TEX26: variants seen among roughly 807,000 people sequenced by gnomAD.
TEX26 encodes testis expressed 26, also known as testis-expressed protein 26.
Under a neutral mutation model 35.3 loss-of-function variants are expected in TEX26, and 34 were observed. The ratio of observed to expected loss-of-function variants is 0.96; its 90% confidence interval spans 0.73 to 1.28. TEX26 has a LOEUF of 1.28. Ranked by LOEUF, TEX26 falls within the 50% of genes most tolerant of loss-of-function variation. TEX26 has a pLI of 0.00. For missense variants in TEX26, 371 were observed against 330.1 expected, an observed-to-expected ratio of 1.12 and a Z score of -0.96; for synonymous variants, 136 against 111.8, an observed-to-expected ratio of 1.22 and a Z score of -1.36.
chr13:30,938,254 G>A (rs777499834), intron 1 of TEX26, among the ~76,000 whole-genome samples: 9 of 152,264 alleles, frequency 5.9e-5, no homozygotes, highest in Admixed American at 6.5e-5. Flanking sequence ...GTGGTACTTC[G>A]TTGACAATGG....
intron 2 of TEX26, among the ~76,000 whole-genome samples, chr13:30,947,475 T>C (rs1486059206): frequency 6.6e-6 from 1 of 152,178 alleles, no homozygotes; most frequent in Non-Finnish European, 1.5e-5. Context: ...AATCACAATG[T>C]GATTTTTAAT....
At chr13:30,955,430 C>G (rs1270130028) in intron 3 of TEX26, among the ~76,000 whole-genome samples, 1 of 152,136 alleles carries the variant, frequency 6.6e-6, no homozygotes, top group African/African-American at 2.4e-5. Context: ...ATGGCTTCTT[C>G]AATAGATAAA....
rs531397805 is a variant in TEX26 at position 30,962,567 on chromosome 13, G to A, written c.470-3655G>A. On this transcript the variant is annotated intron_variant, in intron 4 of 6. Transcript: ENST00000380473. Reference sequence around the variant, plus strand: ...CCTTCCCATGTGTTTTAACAGCCCTGGTTCTTACTTCTTTTGTAGGACTTA... The same window carrying A: ...CCTTCCCATGTGTTTTAACAGCCCTAGTTCTTACTTCTTTTGTAGGACTTA... 1.6e-3 allele frequency among the ~76,000 whole-genome samples: 250 copies of A among 152,250 alleles called. 3 individuals are homozygous for A. Among genetic ancestry groups the A allele is most frequent in the African/African-American group, 5.8e-3 (241 of 41,548 alleles).
Position 30,940,483 on chromosome 13 carries a change from G to A in TEX26, c.146+705G>A, listed in dbSNP as rs374460032. 2.1e-3 allele frequency among the ~76,000 whole-genome samples: 317 copies of A among 151,418 alleles called. 3 individuals carry two copies. The highest frequency in any genetic ancestry group is 7.3e-3 in the African/African-American group (302 of 41,244). On this transcript the variant is annotated intron_variant, in intron 2 of 6. Transcript: ENST00000380473. Reference sequence around the variant, plus strand: ...CGAGTAGCTGGGACTACAGGCGCCCGCCACCACACCTGGCTAATTTTTTGT... The same window carrying A: ...CGAGTAGCTGGGACTACAGGCGCCCACCACCACACCTGGCTAATTTTTTGT...
At chr13:30,957,154 C>G in intron 4 of TEX26, 125 bp downstream of exon 4, 1 of 963,672 alleles carries the variant, frequency 1.0e-6, no homozygotes, top group Non-Finnish European at 1.5e-6. Flanking sequence ...AGACAGGCGA[C>G]TTTGCAAATA....
intron 2 of TEX26, among the ~76,000 whole-genome samples, chr13:30,944,188 G>T (rs1159367109): frequency 6.6e-6 from 1 of 151,876 alleles, no homozygotes; most frequent in Non-Finnish European, 1.5e-5. Flanking sequence ...AATCTAGGAG[G>T]CTTGTGTGTT....
At chr13:30,959,692 C>T (rs1954265441) in intron 4 of TEX26, among the ~76,000 whole-genome samples, 1 of 152,058 alleles carries the variant, frequency 6.6e-6, no homozygotes, top group Non-Finnish European at 1.5e-5. Flanking sequence ...TTGTTGTACA[C>T]TTACCAAAAT....
At position 30,947,919 on chromosome 13, in the gene TEX26, G is replaced by A. The variant is rs149595991; in HGVS notation, c.147-4741G>A. On this transcript the variant is annotated intron_variant, in intron 2 of 6. Transcript: ENST00000380473. ...CCCACCCCACAACTGTCCCTGGTGT[G>A]TGATGTTCCTCTTCCTGTGTCCATG... is the stretch of plus-strand genomic sequence containing the variant. 7.0e-3 allele frequency among the ~76,000 whole-genome samples: 1,056 copies of A among 151,850 alleles called. 14 individuals carry two copies. The highest frequency in any genetic ancestry group is 0.024 in the African/African-American group (992 of 41,366).
chr13:30,971,601 G>C (rs954644869), intron 6 of TEX26, among the ~76,000 whole-genome samples: 5 of 152,200 alleles, frequency 3.3e-5, no homozygotes, highest in African/African-American at 1.2e-4. Context: ...AAGCATAAAG[G>C]AGAGAGAGCT....
chr13:30,955,796 G>A (rs144558526), intron 3 of TEX26, among the ~76,000 whole-genome samples: 238 of 152,280 alleles, frequency 1.6e-3, no homozygotes, highest in African/African-American at 5.2e-3. Flanking sequence ...TGCTGCAGGC[G>A]GGGCTGGGCC....
intron 6 of TEX26, among the ~76,000 whole-genome samples, chr13:30,972,979 T>G (rs923672082): frequency 1.3e-5 from 2 of 152,224 alleles, no homozygotes; most frequent in African/African-American, 4.8e-5. Context: ...TGGCAGCTTC[T>G]GCTAAAGATA....
At chr13:30,943,672 A>G (rs1309114719) in intron 2 of TEX26, among the ~76,000 whole-genome samples, 1 of 151,980 alleles carries the variant, frequency 6.6e-6, no homozygotes, top group African/African-American at 2.4e-5. Flanking sequence ...TTTTTATCAT[A>G]ATGGGATGCT....
rs531764956 is a variant in TEX26 at position 30,932,827 on chromosome 13, G to C, written c.61+51G>C. 4.4e-4 allele frequency: 697 copies of C among 1,589,616 alleles called. 14 individuals are homozygous for C. The South Asian group carries it at 7.6e-3, about 17-fold the overall frequency. On this transcript the variant is annotated intron_variant, in intron 1 of 6. Transcript: ENST00000380473. ...GCGGGGCGGGGCTGGGGTCTTTCCC[G>C]GGGAAAGGGTCCTGTTGAGAAAAAG...
At chr13:30,951,570 A>G (rs1953922920) in intron 2 of TEX26, among the ~76,000 whole-genome samples, 1 of 152,186 alleles carries the variant, frequency 6.6e-6, no homozygotes, top group Non-Finnish European at 1.5e-5. Context: ...AACACACAAC[A>G]AATCCCCCAC....
chr13:30,974,734 T>A (rs1954826885), intron 6 of TEX26, 112 bp from the exon 7 acceptor site: 2 of 1,105,346 alleles, frequency 1.8e-6, no homozygotes, highest in Non-Finnish European at 2.5e-6. Flanking sequence ...TCTTACCAAA[T>A]TTGTGTATTT....
At chr13:30,945,068 T>A (rs1407459604) in intron 2 of TEX26, among the ~76,000 whole-genome samples, 1 of 152,026 alleles carries the variant, frequency 6.6e-6, no homozygotes, top group African/African-American at 2.4e-5. Context: ...ATTATTGTGT[T>A]GCTGTCTATC....
At chr13:30,936,534 C>A (rs1238787982) in intron 1 of TEX26, among the ~76,000 whole-genome samples, 1 of 152,100 alleles carries the variant, frequency 6.6e-6, no homozygotes, top group Non-Finnish European at 1.5e-5. Flanking sequence ...GCCCTTGCTG[C>A]CGCATCTTCT....
chr13:30,932,677 A>T lies in TEX26; in HGVS notation c.-39A>T. 1 of 1,604,204 alleles carries T rather than the reference A, an allele frequency of 6.2e-7. No homozygotes were observed. Among genetic ancestry groups the T allele is most frequent in the Non-Finnish European group, 8.5e-7 (1 of 1,175,972 alleles). Reference sequence around the variant, plus strand: ...CCGCGGCTCCCGCAAGCGCTGAGATAGCTGGAGCCAGGGCCCCGCGGCCGC... The same window carrying T: ...CCGCGGCTCCCGCAAGCGCTGAGATTGCTGGAGCCAGGGCCCCGCGGCCGC... On this transcript the variant is annotated 5_prime_UTR_variant, in exon 1 of 7. Transcript: ENST00000380473.
intron 1 of TEX26, among the ~76,000 whole-genome samples, chr13:30,934,583 C>G (rs1216961541): frequency 6.6e-6 from 1 of 152,168 alleles, no homozygotes; most frequent in Non-Finnish European, 1.5e-5. Flanking sequence ...GAGAAGTGGT[C>G]CTTACGTCTT....
Sources: gnomAD v4.1 joint callset for allele counts (sites outside exome capture counted in the v4.1 genomes callset) on GRCh38, gnomAD v4.1.1 for gene constraint, MANE v1.5 for transcripts, NCBI Gene and HGNC (gene_info 2026-07-23, HGNC 2026-07-21) for gene names.